Variants in TCF12 observed in about 807,000 individuals in gnomAD.
TCF12 encodes the protein transcription factor 12.
TCF12 carries 45 observed loss-of-function variants against 86.0 expected under a neutral mutation model. The ratio of observed to expected loss-of-function variants is 0.52; its 90% confidence interval spans 0.41 to 0.67. The LOEUF (loss-of-function observed/expected upper bound fraction) is 0.67, where lower values mean the gene tolerates loss of function less well. Among genes scored for constraint, TCF12 ranks in the 30% least tolerant of loss-of-function variants. The probability of loss-of-function intolerance (pLI) is 0.00; values close to 1 mark genes in which losing one functional copy is unlikely to be tolerated. For synonymous variants in TCF12, 330 were observed against 299.6 expected (o/e 1.10, Z -1.05); for missense variants, 881 against 859.9 (o/e 1.02, Z -0.31).
intron 5 of TCF12, among the ~76,000 whole-genome samples, chr15:57,131,999 C>G (rs140561610): frequency 7.9e-5 from 12 of 152,116 alleles, no homozygotes; most frequent in African/African-American, 2.6e-4. Flanking sequence ...ATCATGATAT[C>G]GTCCAGCCTG....
chr15:57,135,772 A>G (rs1174272702), intron 5 of TCF12, among the ~76,000 whole-genome samples: 1 of 152,210 alleles, frequency 6.6e-6, no homozygotes, highest in Non-Finnish European at 1.5e-5. Context: ...ATCCCTGTGA[A>G]AGTTACTCTT....
At chr15:56,931,068 C>T (rs972026008) in intron 3 of TCF12, among the ~76,000 whole-genome samples, 2 of 152,068 alleles carry the variant, frequency 1.3e-5, no homozygotes, top group East Asian at 1.9e-4. Flanking sequence ...TCCTCTCCCT[C>T]GTTCCTTCAC....
intron 16 of TCF12, among the ~76,000 whole-genome samples, chr15:57,255,644 C>T (rs992912450): frequency 2.6e-5 from 4 of 152,178 alleles, no homozygotes; most frequent in South Asian, 4.1e-4. Context: ...CCACCACGTC[C>T]GGCTAATTTT....
chr15:56,938,036 G>T (rs1271802598), intron 3 of TCF12, among the ~76,000 whole-genome samples: 407 of 33,232 alleles, frequency 0.012, no homozygotes, highest in Middle Eastern at 0.042. Flanking sequence ...TTTTTTTTTC[G>T]TTTCTTTTCT....
rs200994074 is a variant in TCF12 at position 57,251,943 on chromosome 15, CA to C, written c.1189-477del. On this transcript the variant is annotated intron_variant, in intron 14 of 20. Coordinates refer to ENST00000333725, the MANE Select transcript of TCF12 (RefSeq NM_207037.2). ...TATTGTGCAAATTATACAAGCAAAA[CA>C]TTATTTAACAAGGCAGTAAAGGAAC... Among the ~76,000 whole-genome samples, 266 of 152,232 alleles carry C rather than the reference CA, an allele frequency of 1.7e-3. 1 individual carries two copies. Among genetic ancestry groups the C allele is most frequent in the East Asian group, 8.9e-3 (46 of 5,182 alleles).
Position 57,219,294 on chromosome 15 carries a change from C to T in TCF12, c.580-11858C>T, listed in dbSNP as rs2058467077. The stretch of plus-strand genomic sequence containing the variant: ...CCTCAAATTTTGTCTTATTGGTATC[C>T]TCCACCAATGCAAGGACTTGATGGA... On this transcript the variant is annotated intron_variant, in intron 8 of 20. Transcript: ENST00000333725. 1.4e-5 allele frequency: 17 copies of T among 1,213,068 alleles called. No homozygotes were observed. In the South Asian group the frequency reaches 4.7e-4, roughly 33 times the overall value. 75.1% of individuals were successfully genotyped at this position (1,213,068 alleles called of 1,614,324 possible).
At chr15:56,995,318 G>A (rs902218149) in intron 3 of TCF12, among the ~76,000 whole-genome samples, 1 of 112,880 alleles carries the variant, frequency 8.9e-6, no homozygotes, top group Non-Finnish European at 1.8e-5. Context: ...TTTTAGAATA[G>A]TTTTTTTCTA....
intron 13 of TCF12, among the ~76,000 whole-genome samples, chr15:57,246,110 T>C (rs1214484696): frequency 6.6e-6 from 1 of 152,168 alleles, no homozygotes; most frequent in Non-Finnish European, 1.5e-5. Context: ...TGGCCTGTTA[T>C]CTAGAGTAAA....
chr15:57,225,220 CTTTTTT>C (rs139530756), intron 8 of TCF12, among the ~76,000 whole-genome samples: 276 of 39,748 alleles, frequency 6.9e-3, no homozygotes, highest in African/African-American at 0.022. Context: ...CTGATATATG[CTTTTTT>C]TTTTTTTTTT....
At chr15:57,167,117 G>A (rs1290969380) in intron 6 of TCF12, among the ~76,000 whole-genome samples, 1 of 152,202 alleles carries the variant, frequency 6.6e-6, no homozygotes, top group Non-Finnish European at 1.5e-5. Context: ...CTCTACATGA[G>A]GGCCCACCCT....
intron 6 of TCF12, among the ~76,000 whole-genome samples, chr15:57,181,982 T>C (rs2056383299): frequency 6.6e-6 from 1 of 152,178 alleles, no homozygotes; most frequent in East Asian, 1.9e-4. Flanking sequence ...TAGATGACTA[T>C]AAAAAAGATT....
At chr15:57,170,764 T>TATA in intron 6 of TCF12, among the ~76,000 whole-genome samples, 1 of 14,092 alleles carries the variant, frequency 7.1e-5, no homozygotes, top group African/African-American at 2.7e-4. Flanking sequence ...ATATATTATA[T>TATA]ATATATTATA....
At chr15:56,921,457 G>T (rs1487965869) in intron 3 of TCF12, among the ~76,000 whole-genome samples, 1 of 151,934 alleles carries the variant, frequency 6.6e-6, no homozygotes, top group Non-Finnish European at 1.5e-5. Flanking sequence ...ACACACTAGT[G>T]ATCTTGTCTT....
chr15:57,113,201 A>T (rs1228468560), intron 5 of TCF12, among the ~76,000 whole-genome samples: 2 of 152,114 alleles, frequency 1.3e-5, no homozygotes, highest in Non-Finnish European at 1.5e-5. Context: ...ATTCACTTTC[A>T]CAAGTTTTTG....
chr15:57,214,147 G>A (rs1009758737), intron 8 of TCF12: 1 of 152,216 alleles, frequency 6.6e-6, no homozygotes, highest in Non-Finnish European at 1.5e-5. Context: ...CAGGGGCAGG[G>A]GGACCCCCCC....
intron 16 of TCF12, among the ~76,000 whole-genome samples, chr15:57,258,202 G>T (rs1173984413): frequency 6.6e-6 from 1 of 152,002 alleles, no homozygotes; most frequent in Non-Finnish European, 1.5e-5. Flanking sequence ...GATCACTTGA[G>T]CCAGGAGTTC....
intron 20 of TCF12, among the ~76,000 whole-genome samples, chr15:57,285,606 T>C (rs1422569138): frequency 6.6e-6 from 1 of 151,996 alleles, no homozygotes; most frequent in Non-Finnish European, 1.5e-5. Flanking sequence ...AGCAGCAAAT[T>C]GAGGGCTTTA....
At chr15:57,013,154 C>T (rs2064939681) in intron 3 of TCF12, among the ~76,000 whole-genome samples, 1 of 151,726 alleles carries the variant, frequency 6.6e-6, no homozygotes, top group Non-Finnish European at 1.5e-5. Context: ...GTTAGGAAGG[C>T]AAAGAGAATA....
intron 3 of TCF12, among the ~76,000 whole-genome samples, chr15:57,007,167 A>G (rs2064431740): frequency 6.6e-6 from 1 of 152,226 alleles, no homozygotes; most frequent in Non-Finnish European, 1.5e-5. Flanking sequence ...TTCTTTTTAA[A>G]GAAAATTAAG....
Sources: allele counts gnomAD v4.1 joint callset (sites outside exome capture counted in the v4.1 genomes callset), GRCh38; gene constraint gnomAD v4.1.1; transcripts MANE v1.5; gene names NCBI Gene and HGNC (gene_info 2026-07-23, HGNC 2026-07-21).